The following BEST4 variants were observed in gnomAD, a reference collection of about 807,000 sequenced individuals.
BEST4 encodes the protein bestrophin-4.
A neutral mutation model predicts 47.1 loss-of-function variants in BEST4; 36 were observed. That is an observed-to-expected ratio of 0.76 (90% CI 0.59 to 1.01). BEST4 has a LOEUF of 1.01. Ranked by LOEUF, BEST4 falls within the 50% of genes least tolerant of loss-of-function variation. The pLI is 0.00. For missense variants in BEST4, 550 were observed against 648.6 expected, an observed-to-expected ratio of 0.85 and a Z score of 1.65; for synonymous variants, 250 against 277.8, an observed-to-expected ratio of 0.90 and a Z score of 1.00.
At chr1:44,785,512 G>T in intron 5 of BEST4, 87 bp downstream of exon 5, 1 of 1,357,478 alleles carries the variant, frequency 7.4e-7, no homozygotes, top group Non-Finnish European at 1.0e-6. Flanking sequence ...AAATGGCCAG[G>T]CAAGTACCAT....
chr1:44,786,199 A>G lies in BEST4; in HGVS notation c.511T>C (p.Phe171Leu), dbSNP rs766264466. The change falls in exon 4 of 9, where the codon TTT (phenylalanine) becomes CTT (leucine). Residue 171 changes from phenylalanine (F) to leucine (L), a missense_variant. By Grantham distance (22) the Phe-to-Leu change is conservative. Coordinates refer to ENST00000372207, the MANE Select transcript of BEST4 (RefSeq NM_153274.3). This position sits in a 1 kb window ranked among gnomAD's most constrained non-coding sequence, Gnocchi z 4.9. Reference sequence around the variant, plus strand: ...TTGAAGTCGGATTTCAGGCTCTCAAACTTTTTCCTCTCTTCCTGGGACATG... The same window carrying G: ...TTGAAGTCGGATTTCAGGCTCTCAAGCTTTTTCCTCTCTTCCTGGGACATG... ...GFMSQEERKK[F>L]ESLKSDFNKY... The G allele has an allele frequency of 6.2e-7, 1 of 1,613,888 alleles. No homozygotes were observed. Among genetic ancestry groups the G allele is most frequent in the South Asian group, 1.1e-5 (1 of 91,074 alleles).
chr1:44,787,575 G>A lies in BEST4; in HGVS notation c.131C>T (p.Ala44Val). 6.2e-7 allele frequency: 1 copy of A among 1,614,224 alleles called. No individual in the cohort carries two copies. Among genetic ancestry groups the A allele is most frequent in the Non-Finnish European group, 8.5e-7 (1 of 1,180,034 alleles). The change falls in exon 1 of 9, where the codon GCT becomes GTT. Residue 44 changes from alanine (A) to valine (V), a missense_variant. Physicochemically the swap from Ala to Val is moderately conservative, Grantham distance 64 (BLOSUM62 0). Coordinates refer to ENST00000372207, the MANE Select transcript of BEST4 (RefSeq NM_153274.3). ...TTACCGGTAGGTGATGCTAAGCACA[G>A]CGTACAAGGCCCCAAAGAGGAGGAA... Reference protein sequence around the residue: ...KEFLLFGALYAVLSITYRLLL... With the variant: ...KEFLLFGALYVVLSITYRLLL...
At chr1:44,792,179 T>A (rs1343463556), upstream of BEST4, among the ~76,000 whole-genome samples, 1 of 151,956 alleles carries the variant, frequency 6.6e-6, no homozygotes, top group Non-Finnish European at 1.5e-5. Flanking sequence ...GAGGTGGAGA[T>A]TGCGGTGAGC....
chr1:44,785,615 GGGA>G lies in BEST4; in HGVS notation c.695_697del (p.Ile232_Pro233delinsThr). On this transcript the variant is annotated inframe_deletion, in exon 5 of 9. Transcript: ENST00000372207. The stretch of plus-strand genomic sequence containing the variant: ...GGCAGTTACTTGGGTGTAGACGAGG[GGGA>G]TGCTGATCCAGTCATAGTGGAATAG... 1 of 1,548,402 alleles carries G rather than the reference GGGA, an allele frequency of 6.5e-7. No homozygotes were observed. The highest frequency in any genetic ancestry group is 8.7e-7 in the Non-Finnish European group (1 of 1,145,910).
chr1:44,785,406 A>C, intron 5 of BEST4, 101 bp from the exon 6 acceptor site: 1 of 1,334,944 alleles, frequency 7.5e-7, no homozygotes, highest in Non-Finnish European at 1.0e-6. Flanking sequence ...AAGTAATCAA[A>C]CATGTATCCT....
chr1:44,784,494 G>C lies in BEST4; in HGVS notation c.1149-11C>G. The stretch of plus-strand genomic sequence containing the variant: ...GGGTCGTCGCTCATGCTGCGGGCGG[G>C]AGGGCGGGCTGAGCCGGGGCACAGG... On this transcript the variant is annotated splice_polypyrimidine_tract_variant and intron_variant, in intron 8 of 8. Transcript: ENST00000372207. The surrounding 1 kb of genome is among the most constrained non-coding windows in gnomAD (Gnocchi z 6.2). 1.4e-6 allele frequency: 2 copies of C among 1,470,182 alleles called. No homozygotes were observed. The highest frequency in any genetic ancestry group is 1.4e-5 in the South Asian group (1 of 72,826). 91.1% of individuals were successfully genotyped at this position (1,470,182 alleles called of 1,614,324 possible).
At position 44,784,316 on chromosome 1, in the gene BEST4, G is replaced by C; in HGVS notation, c.1316C>G (p.Pro439Arg). ...CGCCCGGAAGCGCAGCAGATGCGGG[G>C]GGCGGGGGGTGCCTCGCACGCGGCC... is the stretch of plus-strand genomic sequence containing the variant. Reference protein sequence around the residue: ...NFGRVRGTPRPPHLLRFRAEE... With the variant: ...NFGRVRGTPRRPHLLRFRAEE... Residue 439 changes from proline (P) to arginine (R), a missense_variant, in exon 9 of 9, where the codon CCC (proline) becomes CGC (arginine). Transcript: ENST00000372207. This position sits in a 1 kb window ranked among gnomAD's most constrained non-coding sequence, Gnocchi z 6.2. The C allele has an allele frequency of 1.4e-6, 2 of 1,397,934 alleles. No individual in the cohort carries two copies. The highest frequency in any genetic ancestry group is 1.8e-6 in the Non-Finnish European group (2 of 1,086,980). The allele number at this position is 1,397,934 out of a possible 1,614,324, so 86.6% of individuals were successfully genotyped here.
chr1:44,784,857 A>G lies in BEST4; in HGVS notation c.993+48T>C. 1 of 1,611,576 alleles carries G rather than the reference A, an allele frequency of 6.2e-7. No homozygotes were observed. The highest frequency in any genetic ancestry group is 1.7e-5 in the Admixed American group (1 of 59,772). On this transcript the variant is annotated intron_variant, in intron 7 of 8. Transcript: ENST00000372207. This position sits in a 1 kb window ranked among gnomAD's most constrained non-coding sequence, Gnocchi z 6.2. ...GGCCGGGCTGAGAGCTGACCGGGAG[A>G]GGGGGCCCAGGAGCTGCCCTGGACT...
chr1:44,792,786 C>A (rs777618628), upstream of BEST4, among the ~76,000 whole-genome samples: 13 of 152,052 alleles, frequency 8.5e-5, no homozygotes, highest in Non-Finnish European at 1.6e-4. Context: ...CCAGCCTGGA[C>A]AACATGGCAA....
chr1:44,786,690 T>C lies in BEST4; in HGVS notation c.254A>G (p.Tyr85Cys). ...CCAGCGGTTCACCACGAGAGTCACA[T>C]AGAAACCTGCTTGGCCGCCGTGATA... is the stretch of plus-strand genomic sequence containing the variant. ...LIPLSFVLGF[Y>C]VTLVVNRWWS... Residue 85 changes from tyrosine to cysteine, a missense_variant, in exon 3 of 9, where the codon TAT (tyrosine) becomes TGT (cysteine). Transcript: ENST00000372207. The surrounding 1 kb of genome is among the most constrained non-coding windows in gnomAD (Gnocchi z 4.9). 1 of 1,548,714 alleles carries C rather than the reference T, an allele frequency of 6.5e-7. No individual in the cohort carries two copies. The highest frequency in any genetic ancestry group is 8.7e-7 in the Non-Finnish European group (1 of 1,144,938).
chr1:44,787,831 G>A lies in BEST4; in HGVS notation c.-126C>T, dbSNP rs893933148. On this transcript the variant is annotated 5_prime_UTR_variant, in exon 1 of 9. Coordinates refer to ENST00000372207, the MANE Select transcript of BEST4 (RefSeq NM_153274.3). ...GCCTTCACCCTGCGTCAGTGGACAA[G>A]GGGGTAGGAGCCTGCAGAGCAGAAA... The A allele has an allele frequency of 3.8e-4, 438 of 1,162,700 alleles. No individual in the cohort carries two copies. The highest frequency in any genetic ancestry group is 4.9e-4 in the Non-Finnish European group (400 of 823,106). The allele number at this position is 1,162,700 out of a possible 1,614,324, so 72.0% of individuals were successfully genotyped here.
upstream of BEST4, among the ~76,000 whole-genome samples, chr1:44,788,591 A>G (rs1453859664): frequency 6.6e-6 from 1 of 152,274 alleles, no homozygotes; most frequent in Non-Finnish European, 1.5e-5. Flanking sequence ...CACATTTCAC[A>G]GATGAGGCTC....
intron 5 of BEST4, 115 bp downstream of exon 5, chr1:44,785,484 C>T (rs1212923820): frequency 4.9e-6 from 6 of 1,234,042 alleles, no homozygotes; most frequent in South Asian, 2.9e-5. Flanking sequence ...AGGATGAACC[C>T]GGTGCCTCAG....
chr1:44,789,395 CAA>C (rs35605473), upstream of BEST4, among the ~76,000 whole-genome samples: 1,718 of 77,104 alleles, frequency 0.022, 25 homozygotes, highest in African/African-American at 0.077. Context: ...GACTCTGTCT[CAA>C]AAAAAAAAAA....
Position 44,786,157 on chromosome 1 carries a change from AG to A in BEST4, c.552del (p.Cys185AlafsTer30). The part of the protein sequence containing the change: ...LKSDFNKYWV[P>X]CVWFTNLAAQ... ...GCCGCCAGGTTGGTGAACCAGACGCAGGGGACCCAGTACTTGTTGAAGTCGG... is the reference window on the plus strand; with the variant it reads ...GCCGCCAGGTTGGTGAACCAGACGCAGGGACCCAGTACTTGTTGAAGTCGG... On this transcript the variant is annotated frameshift_variant, in exon 4 of 9. Transcript: ENST00000372207. LOFTEE classifies it high-confidence loss of function. The surrounding 1 kb of genome is among the most constrained non-coding windows in gnomAD (Gnocchi z 4.9). 1 of 1,614,120 alleles carries A rather than the reference AG, an allele frequency of 6.2e-7. No homozygotes were observed. Among genetic ancestry groups the A allele is most frequent in the Non-Finnish European group, 8.5e-7 (1 of 1,179,990 alleles).
upstream of BEST4, among the ~76,000 whole-genome samples, chr1:44,792,009 G>A (rs530732331): frequency 3.3e-4 from 50 of 152,274 alleles, 1 homozygote; most frequent in South Asian, 6.0e-3. Flanking sequence ...TTGGGAGGCC[G>A]AGGCAGGCGG....
Position 44,784,138 on chromosome 1 carries a change from G to A in BEST4, c.*72C>T. 2 of 1,322,770 alleles carry A rather than the reference G, an allele frequency of 1.5e-6. No homozygotes were observed. Among genetic ancestry groups the A allele is most frequent in the Non-Finnish European group, 1.9e-6 (2 of 1,029,296 alleles). 81.9% of individuals were successfully genotyped at this position (1,322,770 alleles called of 1,614,324 possible). A position where few individuals can be genotyped will look rare whatever the true frequency, so the allele number is the denominator to read the frequency against. On this transcript the variant is annotated 3_prime_UTR_variant, in exon 9 of 9. Coordinates refer to ENST00000372207, the MANE Select transcript of BEST4 (RefSeq NM_153274.3). The surrounding 1 kb of genome is among the most constrained non-coding windows in gnomAD (Gnocchi z 6.2). ...CAGGAAAAGCTGCTCTAATAGAGCT[G>A]GCTGGCAGGACCGGGCACGGGAGGG...
intron 2 of BEST4, 49 bp downstream of exon 2, chr1:44,787,323 C>A: frequency 6.3e-7 from 1 of 1,592,114 alleles, no homozygotes; most frequent in South Asian, 1.1e-5. Flanking sequence ...ACCCAGAGGT[C>A]AGGGAACACA....
Position 44,784,560 on chromosome 1 carries a change from G to C in BEST4, c.1148+69C>G. ...CGGGATCGGCTCTCGGGGAAGGACCGAGGCATCGGTGCCCCAGAGGCTGAG... is the reference window on the plus strand; with the variant it reads ...CGGGATCGGCTCTCGGGGAAGGACCCAGGCATCGGTGCCCCAGAGGCTGAG... On this transcript the variant is annotated intron_variant, in intron 8 of 8. Coordinates refer to ENST00000372207, the MANE Select transcript of BEST4 (RefSeq NM_153274.3). This position sits in a 1 kb window ranked among gnomAD's most constrained non-coding sequence, Gnocchi z 6.2. 1 of 1,544,740 alleles carries C rather than the reference G, an allele frequency of 6.5e-7. No individual in the cohort carries two copies. Among genetic ancestry groups the C allele is most frequent in the Admixed American group, 2.0e-5 (1 of 49,452 alleles).
Sources: allele counts gnomAD v4.1 joint callset (sites outside exome capture counted in the v4.1 genomes callset), GRCh38; gene constraint gnomAD v4.1.1; non-coding constraint Gnocchi (gnomAD v3.1); transcripts MANE v1.5; gene names NCBI Gene and HGNC (gene_info 2026-07-23, HGNC 2026-07-21).